Variants in PGM5 observed in about 807,000 individuals in gnomAD.
PGM5 encodes phosphoglucomutase-like protein 5.
A neutral mutation model predicts 59.2 loss-of-function variants in PGM5; 23 were observed. The ratio of observed to expected loss-of-function variants is 0.39; its 90% confidence interval spans 0.28 to 0.55. PGM5 has a LOEUF of 0.55. Ranked by LOEUF, PGM5 falls within the 20% of genes least tolerant of loss-of-function variation. PGM5 has a pLI of 0.66. For missense variants in PGM5, 574 were observed against 748.3 expected (o/e 0.77, Z 2.72); for synonymous variants, 214 against 286.0 (o/e 0.75, Z 2.54).
intron 9 of PGM5, among the ~76,000 whole-genome samples, chr9:68,495,492 T>C (rs1824468397): frequency 6.6e-6 from 1 of 152,218 alleles, no homozygotes; most frequent in Non-Finnish European, 1.5e-5. Flanking sequence ...TCCTAATACT[T>C]GGCTCTTGAA....
chr9:68,358,276 G>T (rs372486213), intron 1 of PGM5, among the ~76,000 whole-genome samples: 8 of 151,908 alleles, frequency 5.3e-5, no homozygotes, highest in Non-Finnish European at 5.9e-5. Context: ...CCACGACCTC[G>T]GTAGTCTTCT....
chr9:68,511,669 G>C (rs1166440404), intron 10 of PGM5, among the ~76,000 whole-genome samples: 5 of 145,062 alleles, frequency 3.4e-5, no homozygotes, highest in South Asian at 2.3e-4. Context: ...TCCTGCCTCA[G>C]CTTCCTGAGC....
chr9:68,386,657 A>G (rs566881266), intron 3 of PGM5, among the ~76,000 whole-genome samples: 2 of 152,198 alleles, frequency 1.3e-5, no homozygotes, highest in Admixed American at 1.3e-4. Flanking sequence ...CTATGAATTT[A>G]AAAAAGCAGG....
At chr9:68,458,031 G>A (rs1281414840) in intron 6 of PGM5, among the ~76,000 whole-genome samples, 1 of 152,072 alleles carries the variant, frequency 6.6e-6, no homozygotes, top group East Asian at 1.9e-4. Context: ...TATTTTCTTT[G>A]AAAATAACCA....
Position 68,484,073 on chromosome 9 carries a change from C to T in PGM5, c.1479+25C>T, listed in dbSNP as rs782099613. On this transcript the variant is annotated intron_variant, in intron 9 of 10. Coordinates refer to ENST00000396396, the MANE Select transcript of PGM5 (RefSeq NM_021965.4). ...GGTACTTGCTAGGAAATCACTACAA[C>T]GGGTTATCAGGCAGAACCAGTGGCC... The T allele has an allele frequency of 5.9e-5, 95 of 1,605,224 alleles. 1 individual carries two copies. The South Asian group carries it at 6.1e-4, about 10-fold the overall frequency.
chr9:68,438,652 A>G (rs1032286926), intron 6 of PGM5, among the ~76,000 whole-genome samples: 1 of 152,222 alleles, frequency 6.6e-6, no homozygotes, highest in South Asian at 2.1e-4. Flanking sequence ...TAGTAGATAG[A>G]TTGGAGAAGA....
intron 9 of PGM5, among the ~76,000 whole-genome samples, chr9:68,489,834 A>G (rs191244298): frequency 3.3e-5 from 5 of 152,362 alleles, no homozygotes; most frequent in Non-Finnish European, 7.3e-5. Context: ...TGATGTAAAT[A>G]AATGCATACC....
intron 6 of PGM5, among the ~76,000 whole-genome samples, chr9:68,401,746 T>C (rs1822672181): frequency 6.6e-6 from 1 of 152,144 alleles, no homozygotes; most frequent in Non-Finnish European, 1.5e-5. Flanking sequence ...CCTCTCTCTT[T>C]TATTCCTTGT....
In PGM5 at chr9:68,529,677, C is replaced by A. The variant is rs753064875; in HGVS notation, c.*21C>A. The A allele has an allele frequency of 5.3e-6, 8 of 1,497,070 alleles. No homozygotes were observed. The South Asian group carries it at 5.9e-5, about 11-fold the overall frequency. 92.7% of individuals were successfully genotyped at this position (1,497,070 alleles called of 1,614,324 possible). A position where few individuals can be genotyped will look rare whatever the true frequency, so the allele number is the denominator to read the frequency against. On this transcript the variant is annotated 3_prime_UTR_variant, in exon 11 of 11. Coordinates refer to ENST00000396396, the MANE Select transcript of PGM5 (RefSeq NM_021965.4). ...CCTGAATAGAGGAAAGATCACTCACCAGGGCCAAAGAGAGTGCTCAGCGGG... is the reference window on the plus strand; with the variant it reads ...CCTGAATAGAGGAAAGATCACTCACAAGGGCCAAAGAGAGTGCTCAGCGGG...
chr9:68,513,367 G>A (rs1413390003), intron 10 of PGM5, among the ~76,000 whole-genome samples: 1 of 152,130 alleles, frequency 6.6e-6, no homozygotes, highest in Admixed American at 6.5e-5. Context: ...TGTCAGAAGG[G>A]TTCTTCATTT....
At position 68,483,957 on chromosome 9, in the gene PGM5, A is replaced by G. The variant is rs1554687348; in HGVS notation, c.1388A>G (p.Gln463Arg). The change falls in exon 9 of 11, where the codon CAG (glutamine) becomes CGG (arginine). Residue 463 changes from glutamine (Q) to arginine (R), a missense_variant. Physicochemically the swap from Gln to Arg is conservative, Grantham distance 43. Around this residue, in one of 7 missense-constraint regions of PGM5, gnomAD observed 300 missense variants for 280.0 expected, o/e 1.07. Coordinates refer to ENST00000396396, the MANE Select transcript of PGM5 (RefSeq NM_021965.4). ...LVTDKSFIGQ[Q>R]FAVGSHVYSV... is the part of the protein sequence containing the mutation. ...ACAGACAAATCCTTCATTGGCCAGC[A>G]GTTTGCTGTGGGGAGCCATGTCTAC... The G allele has an allele frequency of 1.9e-6, 3 of 1,614,056 alleles. No homozygotes were observed. The highest frequency in any genetic ancestry group is 3.3e-5 in the Admixed American group (2 of 60,010).
chr9:68,367,941 C>G (rs1834711067), intron 1 of PGM5, among the ~76,000 whole-genome samples: 1 of 151,446 alleles, frequency 6.6e-6, no homozygotes, highest in African/African-American at 2.4e-5. Flanking sequence ...TATATTCTAC[C>G]TATGTATAAG....
intron 6 of PGM5, among the ~76,000 whole-genome samples, chr9:68,432,932 G>C (rs1823379255): frequency 6.6e-6 from 1 of 151,964 alleles, no homozygotes; most frequent in Non-Finnish European, 1.5e-5. Flanking sequence ...TTTTTAAACA[G>C]TTATTTTATT....
At chr9:68,482,271 C>G (rs1024569316) in intron 8 of PGM5, among the ~76,000 whole-genome samples, 1 of 152,124 alleles carries the variant, frequency 6.6e-6, no homozygotes, top group African/African-American at 2.4e-5. Flanking sequence ...AGACTCTCTT[C>G]TCCTGTCTTC....
chr9:68,412,879 G>C (rs1381692672), intron 6 of PGM5, among the ~76,000 whole-genome samples: 28 of 152,202 alleles, frequency 1.8e-4, no homozygotes, highest in Admixed American at 1.6e-3. Flanking sequence ...AAATCCAGTT[G>C]CATGGAGGTC....
In PGM5 at chr9:68,446,296, A is replaced by G. The variant is rs528514231; in HGVS notation, c.1044-18797A>G. On this transcript the variant is annotated intron_variant, in intron 6 of 10. Transcript: ENST00000396396. ...GGAGGACATTACCACAATGTTTGAAATAACTATGCATATTATATGGTTTAC... is the reference window on the plus strand; with the variant it reads ...GGAGGACATTACCACAATGTTTGAAGTAACTATGCATATTATATGGTTTAC... Among the ~76,000 whole-genome samples the G allele has an allele frequency of 2.6e-5, 4 of 152,396 alleles. No individual in the cohort carries two copies. In the East Asian group the frequency reaches 7.7e-4, roughly 29 times the overall value.
chr9:68,447,034 C>T (rs1324388944), intron 6 of PGM5, among the ~76,000 whole-genome samples: 3 of 152,236 alleles, frequency 2.0e-5, no homozygotes, highest in South Asian at 4.1e-4. Flanking sequence ...TTTAAGGGAA[C>T]GTGGTGCGTG....
In PGM5 at chr9:68,505,156, G is replaced by A. The variant is rs1218234460; in HGVS notation, c.1614+5795G>A. Among the ~76,000 whole-genome samples, 6 of 152,186 alleles carry A rather than the reference G, an allele frequency of 3.9e-5. 1 individual carries two copies. The highest frequency in any genetic ancestry group is 3.9e-4 in the Admixed American group (6 of 15,282). On this transcript the variant is annotated intron_variant, in intron 10 of 10. Transcript: ENST00000396396. ...CAGATTCATGGAGTAGGTAATTTCT[G>A]GATTGGAGGTTTAAACTAAGTCTTT...
chr9:68,470,987 G>A (rs1195343740), intron 7 of PGM5, among the ~76,000 whole-genome samples: 3 of 152,110 alleles, frequency 2.0e-5, no homozygotes, highest in African/African-American at 7.2e-5. Flanking sequence ...CCCTGTGCCG[G>A]GAAACAGAAC....
Sources: gnomAD v4.1 joint callset for allele counts (sites outside exome capture counted in the v4.1 genomes callset) on GRCh38, gnomAD v4.1.1 for gene constraint, gnomAD v4.1.1 regional missense constraint, MANE v1.5 for transcripts, NCBI Gene and HGNC (gene_info 2026-07-23, HGNC 2026-07-21) for gene names.